The following MARK2 variants were observed in gnomAD, a reference collection of about 807,000 sequenced individuals.
The protein encoded by MARK2 is microtubule affinity regulating kinase 2, also known as serine/threonine-protein kinase MARK2.
MARK2 carries 16 observed loss-of-function variants against 89.8 expected under a neutral mutation model. The observed-to-expected ratio is 0.18, with a 90% confidence interval of 0.12 to 0.27. The LOEUF is 0.27. Ranked by LOEUF, MARK2 falls within the 10% of genes least tolerant of loss-of-function variation. The pLI, the probability that MARK2 is intolerant of heterozygous loss-of-function variation, is 1.00. For missense variants in MARK2, 621 were observed against 1,049.9 expected (o/e 0.59, Z 5.65); for synonymous variants, 382 against 399.5 (o/e 0.96, Z 0.52).
intron 11 of MARK2, among the ~76,000 whole-genome samples, chr11:63,901,718 GTGTGTA>G (rs1313145765): frequency 1.4e-4 from 21 of 151,764 alleles, no homozygotes; most frequent in Non-Finnish European, 3.1e-4. Flanking sequence ...GTGTGTGTGT[GTGTGTA>G]TGTGTCCGTC....
chr11:63,890,502 AG>A (rs1939755223), intron 1 of MARK2, among the ~76,000 whole-genome samples: 1 of 152,140 alleles, frequency 6.6e-6, no homozygotes, highest in Non-Finnish European at 1.5e-5. Flanking sequence ...CCCTGTCTTG[AG>A]TTCCTGACTC....
intron 7 of MARK2, 55 bp from the exon 8 acceptor site, chr11:63,899,819 C>A (rs1486810960): frequency 2.5e-6 from 3 of 1,180,264 alleles, no homozygotes; most frequent in African/African-American, 1.5e-5. Flanking sequence ...CCTTCCTGCC[C>A]AGGGCCTTAG....
intron 1 of MARK2, chr11:63,868,978 C>A: frequency 4.8e-6 from 2 of 420,472 alleles, no homozygotes; most frequent in South Asian, 1.7e-5. Context: ...GACCCATGAA[C>A]TGTGAGACTA....
chr11:63,843,814 G>A (rs1448548879), intron 1 of MARK2, among the ~76,000 whole-genome samples: 1 of 152,040 alleles, frequency 6.6e-6, no homozygotes, highest in Non-Finnish European at 1.5e-5. Flanking sequence ...TAGTAGAGAC[G>A]GGGTTTTGCC....
chr11:63,903,193 A>G lies in MARK2; in HGVS notation c.1514+35A>G. Reference sequence around the variant, plus strand: ...CCGGGCCCTGCCTGCCTCACTCCCTAGGAGCCATGTCTCACAGGGTGATGT... The same window carrying G: ...CCGGGCCCTGCCTGCCTCACTCCCTGGGAGCCATGTCTCACAGGGTGATGT... On this transcript the variant is annotated intron_variant, in intron 14 of 18. Transcript: ENST00000402010. The surrounding 1 kb of genome is among the most constrained non-coding windows in gnomAD (Gnocchi z 5.1). The G allele has an allele frequency of 1.4e-6, 2 of 1,477,938 alleles. No individual in the cohort carries two copies. Among genetic ancestry groups the G allele is most frequent in the Non-Finnish European group, 1.9e-6 (2 of 1,060,524 alleles). 91.6% of individuals were successfully genotyped at this position (1,477,938 alleles called of 1,614,324 possible).
intron 1 of MARK2, among the ~76,000 whole-genome samples, chr11:63,859,666 C>T (rs1048882815): frequency 2.6e-5 from 4 of 151,786 alleles, no homozygotes; most frequent in Non-Finnish European, 5.9e-5. Context: ...GAGTCCCACT[C>T]TGTCGCCCAG....
At chr11:63,847,206 G>T (rs1410129233) in intron 1 of MARK2, among the ~76,000 whole-genome samples, 2 of 152,180 alleles carry the variant, frequency 1.3e-5, no homozygotes, top group South Asian at 2.1e-4. Context: ...CCCCCTACTT[G>T]CAGTTATTCC....
chr11:63,843,203 G>C (rs1234167940), intron 1 of MARK2, among the ~76,000 whole-genome samples: 5 of 152,182 alleles, frequency 3.3e-5, no homozygotes, highest in Admixed American at 3.3e-4. Context: ...CTGCTGGCCT[G>C]AAGCTTGGCA....
In MARK2 at chr11:63,895,352, C is replaced by T. The variant is rs376282581; in HGVS notation, c.234+14C>T. The T allele has an allele frequency of 9.3e-6, 15 of 1,610,184 alleles. No homozygotes were observed. The highest frequency in any genetic ancestry group is 1.3e-5 in the African/African-American group (1 of 74,828). ...ACTGGGAAAGAGGTGAGCACTGGGA[C>T]TGGGGACATGGCAGCACCTCCCAGC... On this transcript the variant is annotated intron_variant, in intron 2 of 18. Coordinates refer to ENST00000402010, the MANE Select transcript of MARK2 (RefSeq NM_001039469.3).
At chr11:63,897,902 TCACG>T (rs1204019247) in intron 3 of MARK2, among the ~76,000 whole-genome samples, 1 of 152,128 alleles carries the variant, frequency 6.6e-6, no homozygotes, top group East Asian at 1.9e-4. Context: ...TTCTGAATAT[TCACG>T]CACACGGGCT....
chr11:63,850,513 T>C (rs747380249), intron 1 of MARK2, among the ~76,000 whole-genome samples: 22 of 151,936 alleles, frequency 1.4e-4, no homozygotes, highest in Admixed American at 2.6e-4. Flanking sequence ...AATGGAATGC[T>C]ACTGGAGAGA....
chr11:63,898,921 C>T lies in MARK2; in HGVS notation c.474+88C>T, dbSNP rs1590680164. ...GGATAAGCTGCCTGTCTGTAAGTGG[C>T]CCTTGGAGGGTACTTTGGGCTCTGC... On this transcript the variant is annotated intron_variant, in intron 6 of 18. Transcript: ENST00000402010. The T allele has an allele frequency of 1.5e-5, 20 of 1,318,338 alleles. No individual in the cohort carries two copies. In the East Asian group the frequency reaches 3.0e-4, roughly 20 times the overall value. The allele number at this position is 1,318,338 out of a possible 1,614,324, so 81.7% of individuals were successfully genotyped here. A position where few individuals can be genotyped will look rare whatever the true frequency, so the allele number is the denominator to read the frequency against.
intron 1 of MARK2, among the ~76,000 whole-genome samples, chr11:63,870,620 T>C (rs1163134839): frequency 6.6e-6 from 1 of 152,196 alleles, no homozygotes; most frequent in Admixed American, 6.5e-5. Flanking sequence ...CTTATGCTGC[T>C]CTCAGTCTGT....
At chr11:63,854,186 CTGTGTGTGTGTGTG>C (rs55689743) in intron 1 of MARK2, among the ~76,000 whole-genome samples, 12 of 141,558 alleles carry the variant, frequency 8.5e-5, no homozygotes, top group Admixed American at 2.8e-4. Context: ...ACTATTAATT[CTGTGTGTGTGTGTG>C]TGTGTGTGTG....
At chr11:63,908,487 C>A (rs982328081) in intron 18 of MARK2, among the ~76,000 whole-genome samples, 183 bp downstream of exon 18, 1 of 152,214 alleles carries the variant, frequency 6.6e-6, no homozygotes, top group Non-Finnish European at 1.5e-5. Flanking sequence ...GAGTTACGGG[C>A]CCTTCTCCTC....
intron 1 of MARK2, among the ~76,000 whole-genome samples, chr11:63,856,182 A>G (rs1445563013): frequency 3.9e-5 from 6 of 152,094 alleles, no homozygotes; most frequent in African/African-American, 1.2e-4. Context: ...CTGGGCCTCA[A>G]AGAGGCATTC....
At chr11:63,886,654 C>T (rs1028078978) in intron 1 of MARK2, among the ~76,000 whole-genome samples, 1 of 152,172 alleles carries the variant, frequency 6.6e-6, no homozygotes, top group Non-Finnish European at 1.5e-5. Context: ...GAACTCCTGA[C>T]CTCAAGTGAT....
intron 17 of MARK2, 75 bp from the exon 18 acceptor site, chr11:63,908,185 C>T (rs1941500845): frequency 3.6e-6 from 5 of 1,375,888 alleles, no homozygotes; most frequent in Non-Finnish European, 5.1e-6. Context: ...CCCAGACCCA[C>T]TCTCATCTGG....
chr11:63,860,409 G>T (rs187761637), intron 1 of MARK2, among the ~76,000 whole-genome samples: 1 of 145,030 alleles, frequency 6.9e-6, no homozygotes, highest in Non-Finnish European at 1.5e-5. Flanking sequence ...AAAATTAGCC[G>T]GGCGTGGTGG....
Sources: allele counts gnomAD v4.1 joint callset (sites outside exome capture counted in the v4.1 genomes callset), GRCh38; gene constraint gnomAD v4.1.1; non-coding constraint Gnocchi (gnomAD v3.1); transcripts MANE v1.5; gene names NCBI Gene and HGNC (gene_info 2026-07-23, HGNC 2026-07-21).